Variants in CUBN observed in about 807,000 individuals in gnomAD.
CUBN encodes the protein cubilin, also known as 460 kDa receptor.
CUBN carries 282 observed loss-of-function variants against 405.3 expected under a neutral mutation model. The ratio of observed to expected loss-of-function variants is 0.70; its 90% confidence interval spans 0.63 to 0.77. The LOEUF is 0.77. Ranked by LOEUF, CUBN falls within the 30% of genes least tolerant of loss-of-function variation. The pLI is 0.00. For missense variants in CUBN, 4,514 were observed against 4,475.2 expected (o/e 1.01, Z -0.25); for synonymous variants, 1,684 against 1,617.0 (o/e 1.04, Z -0.99).
chr10:16,877,394 C>G (rs948131928), intron 56 of CUBN, among the ~76,000 whole-genome samples: 1 of 152,090 alleles, frequency 6.6e-6, no homozygotes, highest in Non-Finnish European at 1.5e-5. Context: ...AACTGGGGAC[C>G]GTGTTGCCTC....
intron 10 of CUBN, among the ~76,000 whole-genome samples, chr10:17,108,861 T>A (rs1001727486): frequency 2.0e-5 from 3 of 152,008 alleles, no homozygotes; most frequent in Non-Finnish European, 4.4e-5. Flanking sequence ...CCTTAGTACA[T>A]AAAGAAACTT....
At chr10:16,841,098 T>C in intron 60 of CUBN, 51 bp from the exon 61 acceptor site, 1 of 1,562,520 alleles carries the variant, frequency 6.4e-7, no homozygotes, top group Non-Finnish European at 8.8e-7. Context: ...AAAAATTGCA[T>C]ATTTCACACT....
At chr10:17,018,333 T>C (rs565292803) in intron 28 of CUBN, among the ~76,000 whole-genome samples, 1 of 152,312 alleles carries the variant, frequency 6.6e-6, no homozygotes, top group East Asian at 1.9e-4. Flanking sequence ...CAGTGGGTTC[T>C]TGGTCTCGCT....
chr10:16,920,808 C>A (rs1282748693), intron 43 of CUBN, among the ~76,000 whole-genome samples: 1 of 152,144 alleles, frequency 6.6e-6, no homozygotes, highest in East Asian at 1.9e-4. Flanking sequence ...ACTTACAATG[C>A]CAATGAAATT....
At chr10:16,878,816 T>G (rs969215714) in intron 56 of CUBN, among the ~76,000 whole-genome samples, 1 of 152,352 alleles carries the variant, frequency 6.6e-6, no homozygotes, top group African/African-American at 2.4e-5. Flanking sequence ...AATCATGCAA[T>G]ATGTGACCTT....
chr10:16,861,286 C>G (rs946408501), intron 59 of CUBN, among the ~76,000 whole-genome samples: 2 of 151,974 alleles, frequency 1.3e-5, no homozygotes, highest in East Asian at 3.9e-4. Context: ...TTCAGCTGCC[C>G]GAGTAGCTGG....
chr10:16,917,434 ATAAC>A (rs1481003722), intron 45 of CUBN, among the ~76,000 whole-genome samples: 1 of 152,178 alleles, frequency 6.6e-6, no homozygotes, highest in Non-Finnish European at 1.5e-5. Flanking sequence ...ATTAACAACA[ATAAC>A]TAATAATAAA....
Position 16,933,134 on chromosome 10 carries a change from A to G in CUBN, c.6077T>C (p.Ile2026Thr), listed in dbSNP as rs2131594633. The G allele has an allele frequency of 2.5e-6, 4 of 1,614,080 alleles. No individual in the cohort carries two copies. The highest frequency in any genetic ancestry group is 1.3e-5 in the African/African-American group (1 of 75,020). Residue 2026 changes from isoleucine (I) to threonine (T), a missense_variant, in exon 40 of 67, where the codon ATT becomes ACT. Transcript: ENST00000377833. ...ATAGGCACACGTTCGGTGAGATTCA[A>G]TGTCCAGGGAAAGAATGTTGAGTTC... ...TVELNILSLD[I>T]ESHRTCAYDS... is the part of the protein sequence containing the mutation.
At chr10:17,041,624 T>C (rs1340532552) in intron 26 of CUBN, among the ~76,000 whole-genome samples, 2 of 152,242 alleles carry the variant, frequency 1.3e-5, no homozygotes, top group Non-Finnish European at 2.9e-5. Flanking sequence ...GTTTTTTTAA[T>C]GTTAACACGT....
intron 54 of CUBN, among the ~76,000 whole-genome samples, chr10:16,891,476 C>A (rs1378305179): frequency 1.3e-5 from 2 of 152,064 alleles, no homozygotes; most frequent in Admixed American, 6.6e-5. Flanking sequence ...AGGAAGCCTG[C>A]AGAGGGGGCT....
chr10:17,103,594 C>T (rs1836550000), intron 12 of CUBN, among the ~76,000 whole-genome samples: 2 of 152,230 alleles, frequency 1.3e-5, no homozygotes, highest in Admixed American at 1.3e-4. Context: ...GTCTCCTCAG[C>T]TGCAAGGTGA....
rs1053488680 is a variant in CUBN, at chr10:17,071,596, C to T, written c.2455G>A (p.Asp819Asn). The T allele has an allele frequency of 1.9e-6, 3 of 1,613,458 alleles. No homozygotes were observed. Among genetic ancestry groups the T allele is most frequent in the Non-Finnish European group, 2.5e-6 (3 of 1,179,802 alleles). ...ATGACCCCTTCTCCAGTTAATTCAT[C>T]CCCGCAAGCTGTAAGCATAAAAATT... ...FRAVYQVACG[D>N]ELTGEGVIRS... The change falls in exon 19 of 67, where the codon GAT becomes AAT. Residue 819 changes from aspartate to asparagine, a missense_variant. Physicochemically the swap from Asp to Asn is conservative, Grantham distance 23 (BLOSUM62 1). Around this residue, in one of 5 missense-constraint regions of CUBN, gnomAD observed 1,448 missense variants for 1,388.0 expected, o/e 1.04. Transcript: ENST00000377833.
chr10:16,887,051 G>A lies in CUBN; in HGVS notation c.8905+1366C>T, dbSNP rs1840842003. Reference sequence around the variant, plus strand: ...GATCTGCCCACCTTGGCCTCCCAAAGTGCTGGGATTATAGGCGTGAGCCAC... The same window carrying A: ...GATCTGCCCACCTTGGCCTCCCAAAATGCTGGGATTATAGGCGTGAGCCAC... On this transcript the variant is annotated intron_variant, in intron 56 of 66. Transcript: ENST00000377833. 2.0e-5 allele frequency among the ~76,000 whole-genome samples: 3 copies of A among 152,222 alleles called. No individual in the cohort carries two copies. The South Asian group carries it at 6.2e-4, about 32-fold the overall frequency.
At chr10:16,945,001 A>G (rs1276463105) in intron 36 of CUBN, among the ~76,000 whole-genome samples, 1 of 152,236 alleles carries the variant, frequency 6.6e-6, no homozygotes, top group East Asian at 1.9e-4. Flanking sequence ...TGAAATTACT[A>G]TAAATTTGTT....
intron 36 of CUBN, among the ~76,000 whole-genome samples, chr10:16,946,224 T>C (rs1842777000): frequency 6.6e-6 from 1 of 152,202 alleles, no homozygotes; most frequent in African/African-American, 2.4e-5. Context: ...AAGCATCCAT[T>C]ATCAGTGTGA....
chr10:17,052,939 G>C (rs1212499121), intron 22 of CUBN, among the ~76,000 whole-genome samples: 1 of 151,960 alleles, frequency 6.6e-6, no homozygotes, highest in Non-Finnish European at 1.5e-5. Context: ...CACTTGTGAA[G>C]TATAAAGGGG....
chr10:17,084,869 T>C (rs911603629), intron 16 of CUBN, among the ~76,000 whole-genome samples: 1 of 150,860 alleles, frequency 6.6e-6, no homozygotes, highest in African/African-American at 2.4e-5. Context: ...CCAGGGGGAG[T>C]TGATTTGCAC....
At chr10:16,930,720 C>G (rs1842338461) in intron 40 of CUBN, among the ~76,000 whole-genome samples, 1 of 152,100 alleles carries the variant, frequency 6.6e-6, no homozygotes, top group South Asian at 2.1e-4. Flanking sequence ...GCAGGTGGGA[C>G]AGTGACTCAG....
At chr10:16,846,524 T>G (rs1839513252) in intron 60 of CUBN, among the ~76,000 whole-genome samples, 1 of 152,058 alleles carries the variant, frequency 6.6e-6, no homozygotes, top group Non-Finnish European at 1.5e-5. Flanking sequence ...GATTACAAAA[T>G]ATTGGCTATG....
Sources: gnomAD v4.1 joint callset for allele counts (sites outside exome capture counted in the v4.1 genomes callset) on GRCh38, gnomAD v4.1.1 for gene constraint, gnomAD v4.1.1 regional missense constraint, MANE v1.5 for transcripts, NCBI Gene and HGNC (gene_info 2026-07-23, HGNC 2026-07-21) for gene names.